The following LRIG1 variants were observed in gnomAD, a reference collection of about 807,000 sequenced individuals.
LRIG1 encodes leucine rich repeats and immunoglobulin like domains 1, also known as leucine-rich repeats and immunoglobulin-like domains protein 1.
Under a neutral mutation model 99.2 loss-of-function variants are expected in LRIG1, and 48 were observed. That is an observed-to-expected ratio of 0.48 (90% CI 0.38 to 0.62). The LOEUF (loss-of-function observed/expected upper bound fraction) is 0.62. Among genes scored for constraint, LRIG1 ranks in the 20% least tolerant of loss-of-function variants. LRIG1 has a pLI of 0.00. For synonymous variants in LRIG1, 772 were observed against 596.1 expected (o/e 1.29, Z -4.30); for missense variants, 1,646 against 1,434.4 (o/e 1.15, Z -2.38).
At chr3:66,476,601 C>T (rs1700727884) in intron 1 of LRIG1, among the ~76,000 whole-genome samples, 1 of 152,194 alleles carries the variant, frequency 6.6e-6, no homozygotes, top group African/African-American at 2.4e-5. Context: ...GTCAAATCTG[C>T]TGGCCTCTTC....
chr3:66,389,643 T>C lies in LRIG1; in HGVS notation c.1469-3342A>G, dbSNP rs918332945. ...GAAACACGTAAAAATGATAAATACA[T>C]ATATACCTAATGGAGCGCCACAAAA... On this transcript the variant is annotated intron_variant, in intron 12 of 18. Transcript: ENST00000273261. 3.9e-5 allele frequency among the ~76,000 whole-genome samples: 6 copies of C among 152,172 alleles called. No homozygotes were observed. The South Asian group carries it at 1.2e-3, about 32-fold the overall frequency.
At chr3:66,383,517 G>C (rs1368251037) in intron 14 of LRIG1, 116 bp from the exon 15 acceptor site, 1 of 930,110 alleles carries the variant, frequency 1.1e-6, no homozygotes, top group Non-Finnish European at 1.6e-6. Context: ...CTGAGATTCT[G>C]TCTCAGAGTG....
rs947643536 is a variant in LRIG1 at position 66,420,375 on chromosome 3, C to T, written c.366-3109G>A. On this transcript the variant is annotated intron_variant, in intron 3 of 18. Coordinates refer to ENST00000273261, the MANE Select transcript of LRIG1 (RefSeq NM_015541.3). ...GTATGCCAGTGGTAGAAATGTAAAACGGTGGTGCACCTGCAGAAGAAGACA... is the reference window on the plus strand; with the variant it reads ...GTATGCCAGTGGTAGAAATGTAAAATGGTGGTGCACCTGCAGAAGAAGACA... 3.9e-5 allele frequency among the ~76,000 whole-genome samples: 6 copies of T among 152,280 alleles called. No individual in the cohort carries two copies. The South Asian group carries it at 6.2e-4, about 16-fold the overall frequency.
In LRIG1 at chr3:66,500,935, G is replaced by T. The variant is rs961854827; in HGVS notation, c.-528C>A. The T allele has an allele frequency of 2.6e-5, 4 of 151,768 alleles. No homozygotes were observed. Among genetic ancestry groups the T allele is most frequent in the Non-Finnish European group, 1.5e-5 (1 of 67,930 alleles). 9.4% of individuals were successfully genotyped at this position (151,768 alleles called of 1,614,324 possible). A position where few individuals can be genotyped will look rare whatever the true frequency, so the allele number is the denominator to read the frequency against. On this transcript the variant is annotated 5_prime_UTR_variant, in exon 1 of 19. Transcript: ENST00000273261. ...TCCCCACGCCGCGGCCAGAGAGCGC[G>T]CGCGCGCGCGCAGCCTCGGGTTCCG...
chr3:66,394,821 T>C (rs1701779308), intron 11 of LRIG1, among the ~76,000 whole-genome samples: 1 of 152,246 alleles, frequency 6.6e-6, no homozygotes, highest in Non-Finnish European at 1.5e-5. Flanking sequence ...ACCCTCTTGT[T>C]TGTGCCTTGA....
chr3:66,485,688 G>C (rs1180684549), intron 1 of LRIG1, among the ~76,000 whole-genome samples: 1 of 152,138 alleles, frequency 6.6e-6, no homozygotes, highest in Non-Finnish European at 1.5e-5. Context: ...AAAGGAACAT[G>C]GAACAGGAAC....
In LRIG1 at chr3:66,381,109, C is replaced by A. The variant is rs570052634; in HGVS notation, c.2771-248G>T. ...TAGACAATGTAGTCTTACTGCTTCA[C>A]GGGGGAAAAGCCATTAGCCTTAGGT... On this transcript the variant is annotated intron_variant, in intron 17 of 18. Transcript: ENST00000273261. Among the ~76,000 whole-genome samples the A allele has an allele frequency of 3.9e-5, 6 of 152,270 alleles. No homozygotes were observed. In the South Asian group the frequency reaches 1.2e-3, roughly 32 times the overall value.
chr3:66,464,174 G>A (rs1185899777), intron 1 of LRIG1, among the ~76,000 whole-genome samples: 1 of 152,154 alleles, frequency 6.6e-6, no homozygotes, highest in Non-Finnish European at 1.5e-5. Flanking sequence ...AAAGGGGGAT[G>A]GAAATATTGT....
At chr3:66,410,826 G>T (rs1702440424) in intron 6 of LRIG1, among the ~76,000 whole-genome samples, 1 of 152,238 alleles carries the variant, frequency 6.6e-6, no homozygotes, top group Non-Finnish European at 1.5e-5. Context: ...GCTGCTGAGA[G>T]AAGCCAGGTA....
intron 3 of LRIG1, among the ~76,000 whole-genome samples, chr3:66,428,162 C>T (rs112251282): frequency 1.7e-3 from 261 of 152,304 alleles, no homozygotes; most frequent in Middle Eastern, 0.017. Context: ...GTGCAATGTC[C>T]AGGCATGGAA....
chr3:66,414,865 C>G (rs1702575638), intron 5 of LRIG1, 55 bp downstream of exon 5: 1 of 1,486,894 alleles, frequency 6.7e-7, no homozygotes, highest in African/African-American at 1.4e-5. Flanking sequence ...TTGGGGAAAT[C>G]TGGCCTCCAT....
In LRIG1 at chr3:66,383,999, G is replaced by C. The variant is rs76504759; in HGVS notation, c.2063C>G (p.Thr688Ser). Reference protein sequence around the residue: ...AGSISANATLTVLETPSLVVP... With the variant: ...AGSISANATLSVLETPSLVVP... ...TAGAGCAATAGGCAAACCTAGGACA[G>C]TCAGGGTGGCATTAGCTGAAATAGA... The change falls in exon 14 of 19, where the codon ACT becomes AGT. Residue 688 changes from threonine to serine, a missense_variant. Thr to Ser is a moderately conservative substitution (Grantham distance 58, BLOSUM62 1). Coordinates refer to ENST00000273261, the MANE Select transcript of LRIG1 (RefSeq NM_015541.3). 9.1e-4 allele frequency: 1,471 copies of C among 1,612,486 alleles called. 8 individuals are homozygous for C. In the African/African-American group the frequency reaches 0.017, roughly 19 times the overall value.
intron 9 of LRIG1, among the ~76,000 whole-genome samples, chr3:66,404,068 T>G (rs1306772075): frequency 6.6e-6 from 1 of 152,200 alleles, no homozygotes; most frequent in East Asian, 1.9e-4. Flanking sequence ...GAATCACTGA[T>G]AAGCATCTCC....
intron 3 of LRIG1, among the ~76,000 whole-genome samples, chr3:66,429,498 ATG>A (rs2106737766): frequency 6.6e-6 from 1 of 152,380 alleles, no homozygotes; most frequent in Admixed American, 6.5e-5. Context: ...ATGATTCCAA[ATG>A]TATGACATTC....
At chr3:66,459,074 G>A (rs934592746) in intron 2 of LRIG1, among the ~76,000 whole-genome samples, 1 of 151,704 alleles carries the variant, frequency 6.6e-6, no homozygotes, top group Admixed American at 6.6e-5. Context: ...GTTAAGTGAT[G>A]TCGTATTCTC....
chr3:66,405,402 G>A, intron 8 of LRIG1, 124 bp from the exon 9 acceptor site: 1 of 756,846 alleles, frequency 1.3e-6, no homozygotes, highest in Non-Finnish European at 2.3e-6. Flanking sequence ...GGCACAGCCG[G>A]GACGTAGGGT....
Position 66,442,091 on chromosome 3 carries a change from T to C in LRIG1, c.365+9468A>G, listed in dbSNP as rs566391971. Among the ~76,000 whole-genome samples the C allele has an allele frequency of 2.1e-4, 32 of 152,320 alleles. 1 individual carries two copies. In the South Asian group the frequency reaches 6.2e-3, roughly 30 times the overall value. On this transcript the variant is annotated intron_variant, in intron 3 of 18. Transcript: ENST00000273261. ...AAGATTGCTGATGTCTGACCACTAC[T>C]GAACAAAACACAAACAGTGATTTCA...
At chr3:66,410,315 C>T (rs369803870) in intron 6 of LRIG1, 43 bp from the exon 7 acceptor site, 1 of 1,560,260 alleles carries the variant, frequency 6.4e-7, no homozygotes, top group Non-Finnish European at 8.7e-7. Context: ...AGCTTTCACT[C>T]CCTTCACTGG....
chr3:66,471,910 G>A (rs1002017258), intron 1 of LRIG1, among the ~76,000 whole-genome samples: 2 of 152,008 alleles, frequency 1.3e-5, no homozygotes, highest in Non-Finnish European at 2.9e-5. Context: ...TCCGCCCCTG[G>A]CCCCTGCTAA....
Sources: gnomAD v4.1 joint callset for allele counts (sites outside exome capture counted in the v4.1 genomes callset) on GRCh38, gnomAD v4.1.1 for gene constraint, MANE v1.5 for transcripts, NCBI Gene and HGNC (gene_info 2026-07-23, HGNC 2026-07-21) for gene names.